TRIM9: variants seen among roughly 807,000 people sequenced by gnomAD.
TRIM9 encodes E3 ubiquitin-protein ligase TRIM9.
Under a neutral mutation model 78.3 loss-of-function variants are expected in TRIM9, and 26 were observed. That is an observed-to-expected ratio of 0.33 (90% CI 0.24 to 0.46). The LOEUF is 0.46. Ranked by LOEUF, TRIM9 falls within the 20% of genes least tolerant of loss-of-function variation. The probability of loss-of-function intolerance (pLI) is 1.00; values close to 1 mark genes in which losing one functional copy is unlikely to be tolerated. For synonymous variants in TRIM9, 398 were observed against 416.5 expected (o/e 0.96, Z 0.54); for missense variants, 787 against 1,036.4 (o/e 0.76, Z 3.30).
intron 1 of TRIM9, among the ~76,000 whole-genome samples, chr14:51,045,057 G>GA (rs74336842): frequency 0.058 from 8,710 of 151,276 alleles, 293 homozygotes; most frequent in East Asian, 0.1. Context: ...TGAAAATATG[G>GA]AAAAAAAAAT....
intron 1 of TRIM9, among the ~76,000 whole-genome samples, chr14:51,030,899 C>T (rs974787090): frequency 3.3e-5 from 5 of 152,000 alleles, no homozygotes; most frequent in Non-Finnish European, 5.9e-5. Context: ...GTAATCCCAG[C>T]ACTTCGGGAG....
At chr14:51,078,642 C>T (rs77458384) in intron 1 of TRIM9, among the ~76,000 whole-genome samples, 4,403 of 152,136 alleles carry the variant, frequency 0.029, 154 homozygotes, top group African/African-American at 0.083. Context: ...ATTTACTGTA[C>T]AACATACAAC....
Position 51,000,605 on chromosome 14 carries a change from G to A in TRIM9, c.1464+78C>T, listed in dbSNP as rs147755805. 70 of 1,574,186 alleles carry A rather than the reference G, an allele frequency of 4.4e-5. No homozygotes were observed. In the East Asian group the frequency reaches 1.5e-3, roughly 35 times the overall value. On this transcript the variant is annotated intron_variant, in intron 6 of 12. Transcript: ENST00000684578. ...GTCCCCAGGAGAGATGGGGAAGCCA[G>A]CCCTGAGACTCCCTGGCAGGTCCTC...
rs1437413094 is a variant in TRIM9 at position 51,077,042 on chromosome 14, A to G, written c.822+17076T>C. ...CTTGCTATAAAAGGGCTTAACAGAG[A>G]CTGGTTAAGCCCTTTCTGCCATGCT... On this transcript the variant is annotated intron_variant, in intron 1 of 12. Transcript: ENST00000684578. Among the ~76,000 whole-genome samples, 17 of 152,258 alleles carry G rather than the reference A, an allele frequency of 1.1e-4. No homozygotes were observed. The East Asian group carries it at 3.1e-3, about 28-fold the overall frequency.
intron 1 of TRIM9, among the ~76,000 whole-genome samples, chr14:51,041,427 C>G (rs1368895860): frequency 1.3e-5 from 2 of 152,256 alleles, no homozygotes; most frequent in Non-Finnish European, 2.9e-5. Context: ...CCACTCTGCT[C>G]CTCGCCCAAG....
In TRIM9 at chr14:51,030,261, C is replaced by T. The variant is rs895682447; in HGVS notation, c.823-4901G>A. ...GACTGGTACTTGGGGAACCATCAAG[C>T]TGAGCTGTCCAAGGGTCCTGATTCC... On this transcript the variant is annotated intron_variant, in intron 1 of 12. Coordinates refer to ENST00000684578, the MANE Select transcript of TRIM9 (RefSeq NM_001387360.1). Among the ~76,000 whole-genome samples, 4 of 152,230 alleles carry T rather than the reference C, an allele frequency of 2.6e-5. No homozygotes were observed. The East Asian group carries it at 7.7e-4, about 29-fold the overall frequency.
chr14:51,026,161 C>T (rs2058214012), intron 1 of TRIM9, among the ~76,000 whole-genome samples: 1 of 152,136 alleles, frequency 6.6e-6, no homozygotes, highest in Non-Finnish European at 1.5e-5. Flanking sequence ...AAAGCTTTTG[C>T]TTTTCTGCTG....
rs2054860937 is a variant in TRIM9, at chr14:51,000,671, C to CT, written c.1464+11dup. 6.2e-7 allele frequency: 1 copy of CT among 1,613,804 alleles called. No individual in the cohort carries two copies. Among genetic ancestry groups the CT allele is most frequent in the Non-Finnish European group, 8.5e-7 (1 of 1,179,884 alleles). Reference sequence around the variant, plus strand: ...TTTGGGTTAACAAGTACGTAGTGGGCTGTCTACTGACCCGGAATTGACCAC... The same window carrying CT: ...TTTGGGTTAACAAGTACGTAGTGGGCTTGTCTACTGACCCGGAATTGACCAC... On this transcript the variant is annotated intron_variant, in intron 6 of 12. Transcript: ENST00000684578.
intron 1 of TRIM9, among the ~76,000 whole-genome samples, chr14:51,037,472 C>T (rs1476585321): frequency 1.3e-5 from 2 of 152,164 alleles, no homozygotes; most frequent in Non-Finnish European, 2.9e-5. Flanking sequence ...CTCTCATACA[C>T]TTTAAAAGCT....
At chr14:51,048,983 C>CAA (rs570470795) in intron 1 of TRIM9, among the ~76,000 whole-genome samples, 27 of 95,270 alleles carry the variant, frequency 2.8e-4, no homozygotes, top group Non-Finnish European at 4.5e-4. Flanking sequence ...GACTCCATCT[C>CAA]AAAAAAAAAA....
chr14:50,982,849 G>C (rs1019151368), intron 10 of TRIM9, 93 bp downstream of exon 10: 23 of 1,207,620 alleles, frequency 1.9e-5, no homozygotes, highest in Non-Finnish European at 2.6e-5. Flanking sequence ...TATCACACTC[G>C]AGAGATGTAA....
intron 11 of TRIM9, among the ~76,000 whole-genome samples, chr14:50,981,354 T>C (rs910225509): frequency 6.6e-6 from 1 of 152,248 alleles, no homozygotes; most frequent in African/African-American, 2.4e-5. Context: ...GCTTCCAATG[T>C]AAGGCATTTT....
chr14:51,009,334 T>C, intron 4 of TRIM9, 101 bp from the exon 5 acceptor site: 2 of 1,438,170 alleles, frequency 1.4e-6, no homozygotes, highest in South Asian at 2.6e-5. Flanking sequence ...CAAACTGCCT[T>C]GAGGACTCAT....
intron 3 of TRIM9, among the ~76,000 whole-genome samples, chr14:51,011,325 C>T (rs532590501): frequency 6.6e-6 from 1 of 152,270 alleles, no homozygotes; most frequent in Non-Finnish European, 1.5e-5. Flanking sequence ...TCATTTGTGT[C>T]CTCTGCTCAG....
intron 12 of TRIM9, 185 bp downstream of exon 12, chr14:50,979,202 C>T (rs1488392548): frequency 6.9e-7 from 1 of 1,454,802 alleles, no homozygotes. Context: ...AAAGAAGGTG[C>T]TTATGCTTGG....
intron 1 of TRIM9, among the ~76,000 whole-genome samples, chr14:51,035,458 A>T (rs2059062327): frequency 6.6e-6 from 1 of 152,250 alleles, no homozygotes; most frequent in African/African-American, 2.4e-5. Context: ...TCACTTTAAT[A>T]CATACATTTC....
chr14:51,018,250 T>A (rs2057403580), intron 3 of TRIM9, among the ~76,000 whole-genome samples: 1 of 152,152 alleles, frequency 6.6e-6, no homozygotes, highest in African/African-American at 2.4e-5. Flanking sequence ...TATTTTTAAT[T>A]TTTTTGTGAG....
At chr14:51,060,543 T>C (rs537724578) in intron 1 of TRIM9, among the ~76,000 whole-genome samples, 2 of 152,188 alleles carry the variant, frequency 1.3e-5, no homozygotes, top group African/African-American at 2.4e-5. Flanking sequence ...CTCGGCTGAC[T>C]GCAAGCTCCA....
intron 3 of TRIM9, among the ~76,000 whole-genome samples, chr14:51,014,224 A>C (rs1361357648): frequency 6.6e-6 from 1 of 152,172 alleles, no homozygotes; most frequent in Non-Finnish European, 1.5e-5. Flanking sequence ...TTTCCTTATC[A>C]AGCATGGTTT....
Sources: allele counts gnomAD v4.1 joint callset (sites outside exome capture counted in the v4.1 genomes callset), GRCh38; gene constraint gnomAD v4.1.1; transcripts MANE v1.5; gene names NCBI Gene and HGNC (gene_info 2026-07-23, HGNC 2026-07-21).